The following KCNQ5 variants were observed in gnomAD, a reference collection of about 807,000 sequenced individuals.
The protein encoded by KCNQ5 is potassium voltage-gated channel subfamily Q member 5.
KCNQ5 carries 30 observed loss-of-function variants against 98.2 expected under a neutral mutation model. The observed-to-expected ratio is 0.31, with a 90% CI of 0.23 to 0.41. KCNQ5 has a LOEUF of 0.41. Ranked by LOEUF, KCNQ5 falls within the 10% of genes least tolerant of loss-of-function variation. KCNQ5 has a pLI of 1.00. For synonymous variants in KCNQ5, 458 were observed against 449.4 expected, an observed-to-expected ratio of 1.02 and a Z score of -0.24; for missense variants, 835 against 1,182.5, an observed-to-expected ratio of 0.71 and a Z score of 4.31.
At chr6:72,721,420 A>G (rs898759707) in intron 1 of KCNQ5, among the ~76,000 whole-genome samples, 6 of 152,144 alleles carry the variant, frequency 3.9e-5, no homozygotes, top group Admixed American at 3.9e-4. Flanking sequence ...TTTTTTTTAA[A>G]GTCCTGATCT....
At chr6:72,880,410 A>T (rs1778592918) in intron 1 of KCNQ5, among the ~76,000 whole-genome samples, 1 of 152,164 alleles carries the variant, frequency 6.6e-6, no homozygotes, top group African/African-American at 2.4e-5. Context: ...AGTCCCATTC[A>T]TGAGGCTTGA....
intron 1 of KCNQ5, among the ~76,000 whole-genome samples, chr6:72,920,516 T>C (rs1582018758): frequency 6.6e-6 from 1 of 152,186 alleles, no homozygotes; most frequent in Non-Finnish European, 1.5e-5. Flanking sequence ...CTATTATTAA[T>C]AGGTGGCCAT....
At chr6:72,852,392 T>A (rs1376790170) in intron 1 of KCNQ5, among the ~76,000 whole-genome samples, 1 of 151,786 alleles carries the variant, frequency 6.6e-6, no homozygotes, top group African/African-American at 2.4e-5. Context: ...GATTTTTTTT[T>A]AATTTGGTAT....
intron 2 of KCNQ5, among the ~76,000 whole-genome samples, chr6:73,006,145 T>C (rs1324131842): frequency 6.6e-6 from 1 of 152,212 alleles, no homozygotes; most frequent in Admixed American, 6.5e-5. Context: ...AGTCAATCAT[T>C]AAGATGACAA....
At chr6:72,793,211 C>T (rs902914000) in intron 1 of KCNQ5, among the ~76,000 whole-genome samples, 2 of 152,166 alleles carry the variant, frequency 1.3e-5, no homozygotes, top group Non-Finnish European at 2.9e-5. Flanking sequence ...AGTATTTTTG[C>T]ACAATCTTAA....
chr6:72,785,357 C>T (rs1773682834), intron 1 of KCNQ5, among the ~76,000 whole-genome samples: 1 of 151,936 alleles, frequency 6.6e-6, no homozygotes, highest in Non-Finnish European at 1.5e-5. Context: ...TAGTCAAGAA[C>T]AGGAGCAGGG....
chr6:72,791,109 G>A (rs1282692665), intron 1 of KCNQ5, among the ~76,000 whole-genome samples: 1 of 152,202 alleles, frequency 6.6e-6, no homozygotes, highest in Non-Finnish European at 1.5e-5. Context: ...TTCTTCCGTA[G>A]AGAAGCTGCG....
At chr6:72,834,351 T>C (rs79800419) in intron 1 of KCNQ5, among the ~76,000 whole-genome samples, 4,148 of 152,246 alleles carry the variant, frequency 0.027, 192 homozygotes, top group African/African-American at 0.094. Context: ...GCAATTCTCA[T>C]TCCCATTCCA....
At chr6:73,068,839 T>C (rs1773183175) in intron 3 of KCNQ5, among the ~76,000 whole-genome samples, 1 of 152,234 alleles carries the variant, frequency 6.6e-6, no homozygotes, top group Admixed American at 6.5e-5. Flanking sequence ...TGCTGCAAAC[T>C]TGTTAACATC....
intron 1 of KCNQ5, among the ~76,000 whole-genome samples, chr6:72,927,850 G>A (rs1765501978): frequency 1.3e-5 from 2 of 151,878 alleles, no homozygotes; most frequent in South Asian, 4.2e-4. Context: ...TTTCGCAAAA[G>A]ATAGATAATT....
Position 73,185,993 on chromosome 6 carries a change from G to A in KCNQ5, c.1578-4580G>A, listed in dbSNP as rs201559578. On this transcript the variant is annotated intron_variant, in intron 11 of 13. Coordinates refer to ENST00000370398, the MANE Select transcript of KCNQ5 (RefSeq NM_019842.4). ...TAATCCCAGCCCTTTGGAAGGCCAA[G>A]GCAGATGGATCACTTGAGCTCAGGA... Among the ~76,000 whole-genome samples, 5 of 152,320 alleles carry A rather than the reference G, an allele frequency of 3.3e-5. No homozygotes were observed. In the East Asian group the frequency reaches 9.6e-4, roughly 29 times the overall value.
intron 7 of KCNQ5, among the ~76,000 whole-genome samples, chr6:73,115,461 C>T (rs1171642506): frequency 1.3e-5 from 2 of 152,026 alleles, no homozygotes; most frequent in Non-Finnish European, 2.9e-5. Context: ...GCACTGTGAA[C>T]CAAAAACTTC....
chr6:73,114,119 G>T (rs1775382602), intron 7 of KCNQ5, among the ~76,000 whole-genome samples: 1 of 152,014 alleles, frequency 6.6e-6, no homozygotes, highest in Non-Finnish European at 1.5e-5. Context: ...TTATTAATTT[G>T]TTCATTGTTC....
chr6:72,622,800 G>C lies in KCNQ5; in HGVS notation c.398+213G>C, dbSNP rs1174685010. Among the ~76,000 whole-genome samples, 1 of 152,160 alleles carries C rather than the reference G, an allele frequency of 6.6e-6. No homozygotes were observed. Among genetic ancestry groups the C allele is most frequent in the Non-Finnish European group, 1.5e-5 (1 of 68,032 alleles). ...TCTACAGCTTGAACCTTTTCCCCGA[G>C]GACACCCAATGAACTGCCCGGTAGC... On this transcript the variant is annotated intron_variant, in intron 1 of 13. Transcript: ENST00000370398. This position sits in a 1 kb window ranked among gnomAD's most constrained non-coding sequence, Gnocchi z 6.0.
chr6:72,737,048 C>T (rs1770886969), intron 1 of KCNQ5, among the ~76,000 whole-genome samples: 1 of 151,976 alleles, frequency 6.6e-6, no homozygotes, highest in South Asian at 2.1e-4. Flanking sequence ...GCAACCTCCT[C>T]CTCCCGGGTT....
At chr6:72,788,147 G>GAA (rs999112657) in intron 1 of KCNQ5, among the ~76,000 whole-genome samples, 3 of 151,946 alleles carry the variant, frequency 2.0e-5, no homozygotes, top group Non-Finnish European at 4.4e-5. Context: ...GAAAAGTGGG[G>GAA]AAAAAAATAC....
rs534881339 is a variant in KCNQ5, at chr6:73,157,102, CTG to C, written c.1469-12642_1469-12641del. ...GCTATGGTGACAGCGTGAAAACAAA[CTG>C]TACACTCACATATACACAAGCGTAA... On this transcript the variant is annotated intron_variant, in intron 10 of 13. Coordinates refer to ENST00000370398, the MANE Select transcript of KCNQ5 (RefSeq NM_019842.4). Among the ~76,000 whole-genome samples, 79 of 152,342 alleles carry C rather than the reference CTG, an allele frequency of 5.2e-4. 1 individual carries two copies. The highest frequency in any genetic ancestry group is 9.1e-4 in the Non-Finnish European group (62 of 68,032).
rs554644702 is a variant in KCNQ5 at position 73,112,536 on chromosome 6, A to G, written c.1125+1133A>G. ...AATTTTTTGTATTTTTAGTAGAGAC[A>G]GGGTTTCACCGTGTTAGCCAGGATG... On this transcript the variant is annotated intron_variant, in intron 7 of 13. Transcript: ENST00000370398. Among the ~76,000 whole-genome samples, 63 of 152,182 alleles carry G rather than the reference A, an allele frequency of 4.1e-4. 1 individual carries two copies. Among genetic ancestry groups the G allele is most frequent in the Middle Eastern group, 3.4e-3 (1 of 294 alleles).
At chr6:73,143,951 C>G (rs1057120156) in intron 10 of KCNQ5, among the ~76,000 whole-genome samples, 1 of 152,218 alleles carries the variant, frequency 6.6e-6, no homozygotes, top group African/African-American at 2.4e-5. Context: ...AAGAGAAGCA[C>G]TTTTCAGCTG....
Sources: allele counts gnomAD v4.1 joint callset (sites outside exome capture counted in the v4.1 genomes callset), GRCh38; gene constraint gnomAD v4.1.1; non-coding constraint Gnocchi (gnomAD v3.1); transcripts MANE v1.5; gene names NCBI Gene and HGNC (gene_info 2026-07-23, HGNC 2026-07-21).